ZYG11B: variants seen among roughly 807,000 people sequenced by gnomAD.
ZYG11B encodes the protein zyg-11 family member B, cell cycle regulator, also known as protein zyg-11 homolog B.
In ZYG11B, 36 loss-of-function variants were observed where a neutral mutation model predicts 82.4. The ratio of observed to expected loss-of-function variants is 0.44; its 90% CI spans 0.33 to 0.58. The LOEUF is 0.58. ZYG11B is among the 20% of genes least tolerant of loss of function. The probability of loss-of-function intolerance (pLI) is 0.02; values close to 1 mark genes in which losing one functional copy is unlikely to be tolerated. For synonymous variants in ZYG11B, 303 were observed against 312.8 expected, an observed-to-expected ratio of 0.97 and a Z score of 0.33; for missense variants, 552 against 895.6, an observed-to-expected ratio of 0.62 and a Z score of 4.90.
At chr1:52,781,584 T>G (rs1644857028) in intron 4 of ZYG11B, among the ~76,000 whole-genome samples, 2 of 152,130 alleles carry the variant, frequency 1.3e-5, no homozygotes, top group Admixed American at 1.3e-4. Context: ...GGAATCTACG[T>G]TTTAATAAGC....
In ZYG11B at chr1:52,796,292, G is replaced by C. The variant is rs201195282; in HGVS notation, c.1335G>C (p.Arg445Ser). The change falls in exon 7 of 14, where the codon AGG becomes AGC. Residue 445 changes from arginine (R) to serine (S), a missense_variant and splice_region_variant. Physicochemically the swap from Arg to Ser is moderately radical, Grantham distance 110. Coordinates refer to ENST00000294353, the MANE Select transcript of ZYG11B (RefSeq NM_024646.3). ...DRILQDVPFN[R>S]FEAAKLVMQW... ...CATGAAACCCTTTTTGTGTTTTCAG[G>C]TTTGAAGCAGCCAAGCTTGTCATGC... The C allele has an allele frequency of 6.2e-7, 1 of 1,612,842 alleles. No individual in the cohort carries two copies. Among genetic ancestry groups the C allele is most frequent in the Non-Finnish European group, 8.5e-7 (1 of 1,179,318 alleles).
chr1:52,817,775 G>GTATATATATATATATATATA lies in ZYG11B; in HGVS notation c.2044+1147_2044+1148insATATATATATATATATATAT, dbSNP rs1553264314. ...TTAATAGTAAAGTGTGTATATATAT[G>GTATATATATATATATATATA]TGTATATATATATATATATATATAT... On this transcript the variant is annotated intron_variant, in intron 13 of 13. Coordinates refer to ENST00000294353, the MANE Select transcript of ZYG11B (RefSeq NM_024646.3). Among the ~76,000 whole-genome samples, 151 of 32,566 alleles carry GTATATATATATATATATATA rather than the reference G, an allele frequency of 4.6e-3. 4 individuals are homozygous for GTATATATATATATATATATA. The Middle Eastern group carries it at 0.095, about 21-fold the overall frequency. 21.4% of individuals were successfully genotyped at this position (32,566 alleles called of 152,430 possible). A position where few individuals can be genotyped will look rare whatever the true frequency, so the allele number is the denominator to read the frequency against.
At chr1:52,756,162 C>T (rs1306997347) in intron 1 of ZYG11B, among the ~76,000 whole-genome samples, 1 of 152,180 alleles carries the variant, frequency 6.6e-6, no homozygotes. Flanking sequence ...AGGTCTTCCG[C>T]TCACCATCCC....
At chr1:52,778,837 C>G (rs1644830861) in intron 3 of ZYG11B, among the ~76,000 whole-genome samples, 1 of 152,022 alleles carries the variant, frequency 6.6e-6, no homozygotes. Flanking sequence ...TAAACAGAAC[C>G]TCTTGGTGCT....
At chr1:52,753,360 T>C (rs931711063) in intron 1 of ZYG11B, among the ~76,000 whole-genome samples, 4 of 152,106 alleles carry the variant, frequency 2.6e-5, no homozygotes, top group Non-Finnish European at 5.9e-5. Context: ...TTTCCAATTT[T>C]TTCTCCCATC....
At chr1:52,751,227 A>G (rs1644520831) in intron 1 of ZYG11B, among the ~76,000 whole-genome samples, 1 of 151,758 alleles carries the variant, frequency 6.6e-6, no homozygotes, top group South Asian at 2.1e-4. Context: ...TGATCCTCCC[A>G]AAGTACTGGG....
intron 2 of ZYG11B, 27 bp downstream of exon 2, chr1:52,756,650 A>C: frequency 1.3e-6 from 2 of 1,585,618 alleles, no homozygotes; most frequent in South Asian, 2.3e-5. Context: ...AGGAAACAAA[A>C]ATTATGTGCT....
chr1:52,783,963 C>CATATTTGTATATAT (rs1416056679), intron 4 of ZYG11B, among the ~76,000 whole-genome samples: 2 of 42,222 alleles, frequency 4.7e-5, no homozygotes, highest in African/African-American at 1.3e-4. Context: ...TATACACATA[C>CATATTTGTATATAT]ACACATATAC....
chr1:52,783,666 G>T (rs1164355370), intron 4 of ZYG11B, among the ~76,000 whole-genome samples: 1 of 145,892 alleles, frequency 6.9e-6, no homozygotes, highest in Non-Finnish European at 1.5e-5. Context: ...CTGTCCCCCA[G>T]GCAGAAGTGC....
chr1:52,741,330 G>GTAAAGAA (rs1644430158), intron 1 of ZYG11B, among the ~76,000 whole-genome samples: 1 of 100,396 alleles, frequency 1.0e-5, no homozygotes, highest in Admixed American at 1.1e-4. Flanking sequence ...GAAAAGAAAA[G>GTAAAGAA]AAAGTTTTTT....
intron 7 of ZYG11B, 119 bp from the exon 8 acceptor site, chr1:52,796,615 G>A: frequency 2.1e-6 from 2 of 960,376 alleles, no homozygotes; most frequent in Non-Finnish European, 3.1e-6. Flanking sequence ...CCGATATGCA[G>A]CAGAATTCCA....
At chr1:52,820,573 G>A (rs370591064) in intron 13 of ZYG11B, among the ~76,000 whole-genome samples, 4 of 151,648 alleles carry the variant, frequency 2.6e-5, no homozygotes, top group Non-Finnish European at 5.9e-5. Flanking sequence ...GCTTGAACCC[G>A]GGAGGCAGAG....
At chr1:52,816,379 G>C (rs1315092666) in intron 12 of ZYG11B, among the ~76,000 whole-genome samples, 153 bp from the exon 13 acceptor site, 1 of 152,040 alleles carries the variant, frequency 6.6e-6, no homozygotes, top group Non-Finnish European at 1.5e-5. Flanking sequence ...CTCTGAAATG[G>C]TTAAGACAAA....
chr1:52,821,409 G>T, intron 13 of ZYG11B, 30 bp from the exon 14 acceptor site: 1 of 1,534,402 alleles, frequency 6.5e-7, no homozygotes, highest in Admixed American at 2.1e-5. Context: ...TATTTCTCCT[G>T]TTTTGTGTGT....
chr1:52,803,273 CACACACAT>C lies in ZYG11B; in HGVS notation c.1695+1136_1695+1143del, dbSNP rs1558140697. Among the ~76,000 whole-genome samples the C allele has an allele frequency of 9.6e-4, 103 of 107,662 alleles. 4 individuals are homozygous for C. Among genetic ancestry groups the C allele is most frequent in the African/African-American group, 3.2e-3 (92 of 28,320 alleles). The allele number at this position is 107,662 out of a possible 152,430, so 70.6% of individuals were successfully genotyped here. ...ACATATATATATATATATACACACA[CACACACAT>C]ATATATATATATATATACACATATA... On this transcript the variant is annotated intron_variant, in intron 10 of 13. Transcript: ENST00000294353.
intron 8 of ZYG11B, among the ~76,000 whole-genome samples, chr1:52,800,039 G>A (rs970741359): frequency 1.3e-5 from 2 of 152,038 alleles, no homozygotes; most frequent in Non-Finnish European, 2.9e-5. Context: ...ACTTTGGGAG[G>A]CTGAGGTGGG....
chr1:52,800,381 T>C (rs960786730), intron 8 of ZYG11B, among the ~76,000 whole-genome samples: 3 of 152,200 alleles, frequency 2.0e-5, no homozygotes, highest in Non-Finnish European at 2.9e-5. Flanking sequence ...ATTTTGTTTA[T>C]TTTACTGTTT....
At chr1:52,816,780 C>CTTT (rs71044423) in intron 13 of ZYG11B, 151 bp downstream of exon 13, 252 of 264,086 alleles carry the variant, frequency 9.5e-4, no homozygotes, top group Non-Finnish European at 1.1e-3. Flanking sequence ...TTAAGGTATT[C>CTTT]TTTTTTTTTT....
At chr1:52,799,743 C>T (rs1256653372) in intron 8 of ZYG11B, among the ~76,000 whole-genome samples, 5 of 151,632 alleles carry the variant, frequency 3.3e-5, no homozygotes, top group Non-Finnish European at 5.9e-5. Context: ...TGCAGTGAGC[C>T]GAGACTGGGC....
Sources: allele counts gnomAD v4.1 joint callset (sites outside exome capture counted in the v4.1 genomes callset), GRCh38; gene constraint gnomAD v4.1.1; transcripts MANE v1.5; gene names NCBI Gene and HGNC (gene_info 2026-07-23, HGNC 2026-07-21).